The following SGPL1 variants were observed in gnomAD, a reference collection of about 807,000 sequenced individuals.
SGPL1 encodes the protein SP-lyase 1.
A neutral mutation model predicts 68.9 loss-of-function variants in SGPL1; 37 were observed. That is an observed-to-expected ratio of 0.54 (90% CI 0.41 to 0.71). The LOEUF is 0.71. SGPL1 is among the 30% of genes least tolerant of loss of function. The pLI is 0.00. For missense variants in SGPL1, 551 were observed against 704.6 expected, an observed-to-expected ratio of 0.78 and a Z score of 2.47; for synonymous variants, 236 against 248.5, an observed-to-expected ratio of 0.95 and a Z score of 0.47.
chr10:70,842,356 A>G (rs960653646), intron 2 of SGPL1, among the ~76,000 whole-genome samples: 2 of 152,164 alleles, frequency 1.3e-5, no homozygotes, highest in Non-Finnish European at 2.9e-5. Flanking sequence ...AAAAGTTCCT[A>G]TCAGTTTGTA....
At chr10:70,830,798 GAT>G (rs1436620909) in intron 2 of SGPL1, among the ~76,000 whole-genome samples, 1 of 152,190 alleles carries the variant, frequency 6.6e-6, no homozygotes, top group Admixed American at 6.5e-5. Context: ...GAACAGCAAA[GAT>G]CTCTAGCTTT....
In SGPL1 at chr10:70,842,164, A is replaced by G. The variant is rs1273613128; in HGVS notation, c.28-2309A>G. ...TGCACGTATTATAGTTTATTTAACC[A>G]TTCTTCTGTGGGTGGACATTTACAT... On this transcript the variant is annotated intron_variant, in intron 2 of 14. Transcript: ENST00000373202. 2.0e-5 allele frequency among the ~76,000 whole-genome samples: 3 copies of G among 152,150 alleles called. No homozygotes were observed. In the East Asian group the frequency reaches 5.8e-4, roughly 29 times the overall value.
intron 8 of SGPL1, 42 bp downstream of exon 8, chr10:70,868,475 G>A (rs368940882): frequency 2.7e-6 from 4 of 1,481,424 alleles, no homozygotes; most frequent in Non-Finnish European, 3.8e-6. Context: ...GGATTTGTCT[G>A]TCTGGAGTAC....
intron 3 of SGPL1, among the ~76,000 whole-genome samples, chr10:70,850,387 T>C (rs1400750071): frequency 1.3e-5 from 2 of 152,084 alleles, no homozygotes; most frequent in African/African-American, 2.4e-5. Context: ...AGGCTGGACA[T>C]AGATCCAAGA....
rs181517125 is a variant in SGPL1 at position 70,863,898 on chromosome 10, C to G, written c.615+4399C>G. On this transcript the variant is annotated intron_variant, in intron 7 of 14. Transcript: ENST00000373202. ...TTATCTTGGGCAGTCTCTAATGTAT[C>G]TTCTGGTCCATCCTTTGCTCATCTG... Among the ~76,000 whole-genome samples the G allele has an allele frequency of 3.3e-3, 501 of 152,276 alleles. 3 individuals carry two copies. The highest frequency in any genetic ancestry group is 5.6e-3 in the Non-Finnish European group (380 of 68,026).
chr10:70,859,330 G>GT, intron 6 of SGPL1, 41 bp from the exon 7 acceptor site: 1 of 1,358,064 alleles, frequency 7.4e-7, no homozygotes, highest in South Asian at 2.1e-5. Context: ...CCTGTATAGT[G>GT]TAATAGTTTT....
Position 70,828,437 on chromosome 10 carries a change from G to A in SGPL1, c.27+11557G>A, listed in dbSNP as rs79502516. ...CTGGGTCTCTAACCATCCTCATTGAGAAGCCTCGGCTTCCTAAAGTGCTGC... is the reference window on the plus strand; with the variant it reads ...CTGGGTCTCTAACCATCCTCATTGAAAAGCCTCGGCTTCCTAAAGTGCTGC... On this transcript the variant is annotated intron_variant, in intron 2 of 14. Transcript: ENST00000373202. Among the ~76,000 whole-genome samples the A allele has an allele frequency of 6.9e-4, 105 of 152,248 alleles. 1 individual carries two copies. The East Asian group carries it at 0.018, about 26-fold the overall frequency.
At chr10:70,831,653 A>G (rs915210952) in intron 2 of SGPL1, among the ~76,000 whole-genome samples, 5 of 152,204 alleles carry the variant, frequency 3.3e-5, no homozygotes, top group African/African-American at 9.6e-5. Context: ...ACCACCCTCC[A>G]GGAACCTCCA....
intron 3 of SGPL1, among the ~76,000 whole-genome samples, chr10:70,850,100 T>G (rs192185623): frequency 6.6e-6 from 1 of 152,370 alleles, no homozygotes; most frequent in East Asian, 1.9e-4. Context: ...TTATGATTAT[T>G]ATGATCGACA....
chr10:70,827,134 A>G (rs1281784602), intron 2 of SGPL1, among the ~76,000 whole-genome samples: 1 of 152,244 alleles, frequency 6.6e-6, no homozygotes, highest in Non-Finnish European at 1.5e-5. Flanking sequence ...TACAATTTAT[A>G]CCACTATCAA....
intron 3 of SGPL1, among the ~76,000 whole-genome samples, chr10:70,845,854 A>C (rs371339972): frequency 3.9e-5 from 6 of 152,206 alleles, no homozygotes; most frequent in African/African-American, 1.4e-4. Flanking sequence ...GCTGTTTCTC[A>C]TTTGCTTGAA....
At chr10:70,850,141 T>C (rs1358991675) in intron 3 of SGPL1, among the ~76,000 whole-genome samples, 1 of 152,228 alleles carries the variant, frequency 6.6e-6, no homozygotes. Flanking sequence ...TTCTATGTAC[T>C]GCCTGACAGA....
In SGPL1 at chr10:70,871,945, C is replaced by T. The variant is rs1437439236; in HGVS notation, c.1018C>T (p.Arg340Trp). ...CCCACTGGAGCACCCATTTGATTTC[C>T]GGGTGAAAGGTGTAACCAGCATTTC... The part of the protein sequence containing the change: ...GYPLEHPFDF[R>W]VKGVTSISAD... Residue 340 changes from arginine to tryptophan, a missense_variant, in exon 11 of 15, where the codon CGG becomes TGG. Transcript: ENST00000373202. 3.1e-6 allele frequency: 5 copies of T among 1,614,072 alleles called. No individual in the cohort carries two copies. The highest frequency in any genetic ancestry group is 1.7e-5 in the Admixed American group (1 of 60,026).
intron 3 of SGPL1, among the ~76,000 whole-genome samples, chr10:70,848,209 A>G (rs1845820462): frequency 6.6e-6 from 1 of 152,214 alleles, no homozygotes; most frequent in African/African-American, 2.4e-5. Flanking sequence ...AATGGACATC[A>G]TAATAGCTGC....
Position 70,816,780 on chromosome 10 carries a change from A to G in SGPL1, c.-43-31A>G, listed in dbSNP as rs927096730. 1.0e-5 allele frequency: 15 copies of G among 1,465,566 alleles called. No individual in the cohort carries two copies. The Admixed American group carries it at 2.5e-4, about 24-fold the overall frequency. The allele number at this position is 1,465,566 out of a possible 1,614,324, so 90.8% of individuals were successfully genotyped here. A position where few individuals can be genotyped will look rare whatever the true frequency, so the allele number is the denominator to read the frequency against. ...GGCTGGCGAGACAGTTTAAAGCTCT[A>G]GAAGTAAACAAACCTGGTTCCCTTT... On this transcript the variant is annotated intron_variant, in intron 1 of 14. Coordinates refer to ENST00000373202, the MANE Select transcript of SGPL1 (RefSeq NM_003901.4).
chr10:70,859,912 C>T (rs995650076), intron 7 of SGPL1, among the ~76,000 whole-genome samples: 23 of 152,144 alleles, frequency 1.5e-4, no homozygotes, highest in Non-Finnish European at 3.2e-4. Flanking sequence ...CCCGCTTCTT[C>T]CCTCATCCCC....
intron 2 of SGPL1, among the ~76,000 whole-genome samples, chr10:70,824,461 A>G (rs1429798016): frequency 2.0e-5 from 3 of 152,242 alleles, no homozygotes; most frequent in East Asian, 3.8e-4. Context: ...AAAATGGACT[A>G]TTTGTCTGAA....
intron 2 of SGPL1, among the ~76,000 whole-genome samples, chr10:70,832,408 G>A (rs1845557644): frequency 6.6e-6 from 1 of 152,080 alleles, no homozygotes; most frequent in Non-Finnish European, 1.5e-5. Flanking sequence ...TTGTAGGGAA[G>A]GAATTTCCAC....
At chr10:70,845,190 G>A (rs111298602) in intron 3 of SGPL1, among the ~76,000 whole-genome samples, 6,303 of 152,128 alleles carry the variant, frequency 0.041, 199 homozygotes, top group Non-Finnish European at 0.062. Flanking sequence ...CTCAGAATTA[G>A]TCATTGTAAG....
Sources: allele counts gnomAD v4.1 joint callset (sites outside exome capture counted in the v4.1 genomes callset), GRCh38; gene constraint gnomAD v4.1.1; transcripts MANE v1.5; gene names NCBI Gene and HGNC (gene_info 2026-07-23, HGNC 2026-07-21).